The following TOP6BL variants were observed in gnomAD, a reference collection of about 807,000 sequenced individuals.
TOP6BL encodes the protein type 2 DNA topoisomerase 6 subunit B-like.
the TOP6BL span, chr11:66,843,276 C>T: frequency 3.8e-6 from 6 of 1,599,232 alleles, no homozygotes; most frequent in African/African-American, 6.7e-5. Context: ...CCGGAGGCTG[C>T]GGGCAGCCGT....
At chr11:66,770,282 G>A in the TOP6BL span, among the ~76,000 whole-genome samples, 1 of 152,118 alleles carries the variant, frequency 6.6e-6, no homozygotes, top group Admixed American at 6.5e-5. Flanking sequence ...CCTAGTTTAT[G>A]GTCTCTTGTT....
chr11:66,765,855 A>C, the TOP6BL span, among the ~76,000 whole-genome samples: 2 of 152,220 alleles, frequency 1.3e-5, no homozygotes, highest in African/African-American at 4.8e-5. Context: ...TTACTCAGTG[A>C]ACCTCACAAA....
At chr11:66,763,584 A>G in the TOP6BL span, among the ~76,000 whole-genome samples, 1 of 151,952 alleles carries the variant, frequency 6.6e-6, no homozygotes, top group Non-Finnish European at 1.5e-5. Flanking sequence ...TGCTGGGATT[A>G]CAGGCATGAG....
chr11:66,762,299 C>G, the TOP6BL span: 2 of 426,046 alleles, frequency 4.7e-6, no homozygotes, highest in Admixed American at 4.2e-5. Context: ...GCCGGGGCGC[C>G]GGCCAGGAGC....
chr11:66,753,070 A>G, the TOP6BL span, among the ~76,000 whole-genome samples: 2 of 152,044 alleles, frequency 1.3e-5, no homozygotes, highest in Non-Finnish European at 2.9e-5. Context: ...CGGAGGTTGC[A>G]GTGAGCCAAG....
the TOP6BL span, chr11:66,813,923 T>C: frequency 6.2e-7 from 1 of 1,613,826 alleles, no homozygotes; most frequent in Non-Finnish European, 8.5e-7. Context: ...GAGCAGCCGA[T>C]GACTACTTTC....
chr11:66,815,363 A>ACTT, the TOP6BL span, among the ~76,000 whole-genome samples: 1 of 152,212 alleles, frequency 6.6e-6, no homozygotes, highest in Non-Finnish European at 1.5e-5. Context: ...ACATGGAGGT[A>ACTT]CTTCTCTACA....
the TOP6BL span, chr11:66,828,422 C>A: frequency 7.5e-7 from 1 of 1,336,518 alleles, no homozygotes; most frequent in Non-Finnish European, 1.1e-6. Flanking sequence ...TATGGGAATC[C>A]TGAATTGAGG....
chr11:66,804,861 G>A, the TOP6BL span, among the ~76,000 whole-genome samples: 3 of 151,904 alleles, frequency 2.0e-5, no homozygotes, highest in Admixed American at 1.3e-4. Flanking sequence ...CACAAGGTCA[G>A]GACTTGGAGA....
chr11:66,774,461 G>A, the TOP6BL span, among the ~76,000 whole-genome samples: 2 of 151,648 alleles, frequency 1.3e-5, no homozygotes, highest in Non-Finnish European at 2.9e-5. Context: ...GTTTTGTTTT[G>A]TTTTGTGCTT....
the TOP6BL span, among the ~76,000 whole-genome samples, chr11:66,757,461 A>G: frequency 6.1e-3 from 922 of 152,326 alleles, 7 homozygotes; most frequent in Non-Finnish European, 8.2e-3. Context: ...CTGGAAATCT[A>G]GAGTATTACT....
the TOP6BL span, among the ~76,000 whole-genome samples, chr11:66,841,408 G>A: frequency 2.6e-4 from 39 of 152,060 alleles, no homozygotes; most frequent in Admixed American, 9.2e-4. Flanking sequence ...GAGCCACCGC[G>A]CCCGGCCAAG....
chr11:66,792,490 C>T, the TOP6BL span, among the ~76,000 whole-genome samples: 1 of 151,968 alleles, frequency 6.6e-6, no homozygotes, highest in Non-Finnish European at 1.5e-5. Context: ...TATATATTAC[C>T]CCATTCAGAT....
chr11:66,833,144 G>T, the TOP6BL span, among the ~76,000 whole-genome samples: 1 of 150,894 alleles, frequency 6.6e-6, no homozygotes, highest in African/African-American at 2.4e-5. Context: ...CGCCTCCTGG[G>T]TTCAAGTGAT....
At chr11:66,781,192 T>G in the TOP6BL span, among the ~76,000 whole-genome samples, 1 of 152,138 alleles carries the variant, frequency 6.6e-6, no homozygotes, top group Non-Finnish European at 1.5e-5. Context: ...GCACATATTT[T>G]AGACTGGTTG....
the TOP6BL span, among the ~76,000 whole-genome samples, chr11:66,839,642 C>T: frequency 6.6e-6 from 1 of 152,204 alleles, no homozygotes; most frequent in Admixed American, 6.5e-5. Flanking sequence ...GCTGTTGCTA[C>T]TGAAAAGAAC....
At chr11:66,800,596 A>G in the TOP6BL span, 12 of 1,484,970 alleles carry the variant, frequency 8.1e-6, no homozygotes, top group East Asian at 1.6e-4. Flanking sequence ...TTTAATCTGT[A>G]TCTTGGCTCA....
At chr11:66,791,229 C>T in the TOP6BL span, among the ~76,000 whole-genome samples, 1 of 152,144 alleles carries the variant, frequency 6.6e-6, no homozygotes, top group Non-Finnish European at 1.5e-5. Context: ...GCAAGGAAGA[C>T]TGAGGAAAGT....
the TOP6BL span, among the ~76,000 whole-genome samples, chr11:66,808,189 A>G: frequency 6.6e-6 from 1 of 152,254 alleles, no homozygotes; most frequent in Non-Finnish European, 1.5e-5. Context: ...ACAAAATCAC[A>G]GAAACACCCA....
Sources: allele counts gnomAD v4.1 joint callset (sites outside exome capture counted in the v4.1 genomes callset), GRCh38; gene constraint gnomAD v4.1.1; transcripts MANE v1.5; gene names NCBI Gene and HGNC (gene_info 2026-07-23, HGNC 2026-07-21).